LYST: variants seen among roughly 807,000 people sequenced by gnomAD.
LYST encodes lysosomal trafficking regulator.
In LYST, 192 loss-of-function variants were observed where a neutral mutation model predicts 413.6. That is an observed-to-expected ratio of 0.46 (90% confidence interval 0.41 to 0.52). The LOEUF is 0.52. Among genes scored for constraint, LYST ranks in the 20% least tolerant of loss-of-function variants. LYST has a pLI of 0.00. For synonymous variants in LYST, 1,525 were observed against 1,567.3 expected, an observed-to-expected ratio of 0.97 and a Z score of 0.64; for missense variants, 3,815 against 4,499.9, an observed-to-expected ratio of 0.85 and a Z score of 4.35.
At chr1:235,737,922 G>T in intron 31 of LYST, 3 of 1,174,410 alleles carry the variant, frequency 2.6e-6, no homozygotes, top group Non-Finnish European at 2.1e-6. Context: ...GACGAGTCTG[G>T]ATCTCACTGC....
chr1:235,794,707 A>T (rs1671377728), intron 10 of LYST, among the ~76,000 whole-genome samples: 1 of 152,236 alleles, frequency 6.6e-6, no homozygotes, highest in South Asian at 2.1e-4. Flanking sequence ...TTGACACAGT[A>T]GCAAAATAGT....
intron 21 of LYST, among the ~76,000 whole-genome samples, chr1:235,763,116 G>T (rs1231308355): frequency 6.6e-6 from 1 of 151,940 alleles, no homozygotes; most frequent in Admixed American, 6.6e-5. Context: ...TTATTTCTAT[G>T]GTTTAACATT....
intron 34 of LYST, among the ~76,000 whole-genome samples, chr1:235,733,009 A>T (rs1387011224): frequency 6.6e-6 from 1 of 152,144 alleles, no homozygotes; most frequent in Non-Finnish European, 1.5e-5. Flanking sequence ...CAAATATCCT[A>T]TTATCTTCTA....
At chr1:235,805,577 A>C (rs961260795) in intron 6 of LYST, among the ~76,000 whole-genome samples, 166 bp downstream of exon 6, 4 of 149,530 alleles carry the variant, frequency 2.7e-5, no homozygotes, top group Non-Finnish European at 5.9e-5. Context: ...ATAAAACATA[A>C]TATATACACA....
intron 14 of LYST, 65 bp downstream of exon 14, chr1:235,787,135 A>T: frequency 8.2e-7 from 1 of 1,222,380 alleles, no homozygotes; most frequent in Non-Finnish European, 1.2e-6. Context: ...CAGAAGCTAT[A>T]ATTGACTAAT....
At chr1:235,852,719 T>C (rs1678685177) in intron 1 of LYST, among the ~76,000 whole-genome samples, 2 of 152,174 alleles carry the variant, frequency 1.3e-5, no homozygotes. Flanking sequence ...TAATAAATTA[T>C]TTTAAAATGA....
chr1:235,665,372 G>T (rs1391350954), intron 50 of LYST, among the ~76,000 whole-genome samples: 1 of 151,970 alleles, frequency 6.6e-6, no homozygotes, highest in Non-Finnish European at 1.5e-5. Context: ...CACTTTTGGA[G>T]GCCGAGGCGG....
chr1:235,701,041 G>A (rs1306275672), intron 45 of LYST, among the ~76,000 whole-genome samples: 1 of 152,164 alleles, frequency 6.6e-6, no homozygotes, highest in African/African-American at 2.4e-5. Context: ...CTTTTGGAAA[G>A]CATTTAAATG....
At chr1:235,827,999 G>T in intron 3 of LYST, 1 of 373,440 alleles carries the variant, frequency 2.7e-6, no homozygotes, top group Non-Finnish European at 3.7e-6. Flanking sequence ...ATATACAAAT[G>T]GCCAATAAGC....
intron 50 of LYST, among the ~76,000 whole-genome samples, chr1:235,667,187 C>A (rs959523008): frequency 6.6e-6 from 1 of 152,208 alleles, no homozygotes; most frequent in Non-Finnish European, 1.5e-5. Context: ...AAAAGCATCT[C>A]TATCCTTCGT....
intron 1 of LYST, among the ~76,000 whole-genome samples, chr1:235,882,210 G>A (rs762627262): frequency 7.4e-4 from 113 of 152,080 alleles, no homozygotes; most frequent in Non-Finnish European, 1.5e-3. Flanking sequence ...GAGTTTGGCA[G>A]GCAGGACAAG....
chr1:235,731,411 C>T (rs896130312), intron 34 of LYST, among the ~76,000 whole-genome samples: 1 of 152,154 alleles, frequency 6.6e-6, no homozygotes, highest in Non-Finnish European at 1.5e-5. Context: ...GCAAGCTCTG[C>T]TTCCAGTTTC....
At chr1:235,871,762 C>T (rs924045732), upstream of LYST, among the ~76,000 whole-genome samples, 3 of 152,188 alleles carry the variant, frequency 2.0e-5, no homozygotes, top group African/African-American at 4.8e-5. Context: ...CTCTGCAGCT[C>T]GCCCTGAATT....
intron 28 of LYST, 26 bp from the exon 29 acceptor site, chr1:235,746,553 T>C (rs1572133868): frequency 6.5e-7 from 1 of 1,547,860 alleles, no homozygotes; most frequent in Admixed American, 1.7e-5. Flanking sequence ...AATTAAAACA[T>C]CAAATCCCAG....
chr1:235,799,480 T>TA, intron 10 of LYST, among the ~76,000 whole-genome samples: 2 of 152,322 alleles, frequency 1.3e-5, no homozygotes, highest in Middle Eastern at 6.8e-3. Flanking sequence ...GTCCTTTTGA[T>TA]ATGATGCACT....
intron 1 of LYST, among the ~76,000 whole-genome samples, chr1:235,838,744 T>A (rs2103034766): frequency 6.6e-6 from 1 of 152,350 alleles, no homozygotes; most frequent in East Asian, 1.9e-4. Flanking sequence ...TTTTAGAGCA[T>A]CCAGAGTTCT....
chr1:235,688,752 A>G (rs1170967649), intron 47 of LYST, among the ~76,000 whole-genome samples: 2 of 152,060 alleles, frequency 1.3e-5, no homozygotes, highest in African/African-American at 4.8e-5. Flanking sequence ...TGGGAGGCCG[A>G]GGCGGGCGGA....
chr1:235,765,028 C>G (rs902371844), intron 21 of LYST, among the ~76,000 whole-genome samples: 2 of 152,164 alleles, frequency 1.3e-5, no homozygotes, highest in Non-Finnish European at 2.9e-5. Flanking sequence ...CTTTCTCTTT[C>G]CTTCTCTTGC....
chr1:235,826,106 G>C (rs960754181), intron 3 of LYST, among the ~76,000 whole-genome samples: 1 of 152,132 alleles, frequency 6.6e-6, no homozygotes, highest in African/African-American at 2.4e-5. Flanking sequence ...TATTCACTTA[G>C]AATGACTAAC....
Sources: allele counts gnomAD v4.1 joint callset (sites outside exome capture counted in the v4.1 genomes callset), GRCh38; gene constraint gnomAD v4.1.1; transcripts MANE v1.5; gene names NCBI Gene and HGNC (gene_info 2026-07-23, HGNC 2026-07-21).